ADAMTS20: variants seen among roughly 807,000 people sequenced by gnomAD.
ADAMTS20 encodes the protein ADAM metallopeptidase with thrombospondin type 1 motif 20.
Under a neutral mutation model 260.1 loss-of-function variants are expected in ADAMTS20, and 225 were observed. The ratio of observed to expected loss-of-function variants is 0.87; its 90% confidence interval spans 0.78 to 0.97. ADAMTS20 has a LOEUF of 0.97. ADAMTS20 is among the 50% of genes least tolerant of loss of function. The probability of loss-of-function intolerance (pLI) is 0.00; values close to 1 mark genes in which losing one functional copy is unlikely to be tolerated. For missense variants in ADAMTS20, 2,400 were observed against 2,337.7 expected (o/e 1.03, Z -0.55); for synonymous variants, 802 against 769.5 (o/e 1.04, Z -0.70).
intron 28 of ADAMTS20, chr12:43,423,195 C>G (rs1340762223): frequency 6.6e-6 from 1 of 152,230 alleles, no homozygotes; most frequent in Non-Finnish European, 1.5e-5. Context: ...TTGTGAGTTA[C>G]AGAGTTTCTA....
intron 7 of ADAMTS20, among the ~76,000 whole-genome samples, chr12:43,480,963 G>A (rs1942432207): frequency 6.6e-6 from 1 of 151,926 alleles, no homozygotes; most frequent in Non-Finnish European, 1.5e-5. Flanking sequence ...TGTTTCAGAT[G>A]TCTCACCAAA....
intron 28 of ADAMTS20, among the ~76,000 whole-genome samples, chr12:43,420,771 CTCT>C (rs76391484): frequency 0.11 from 15,935 of 142,012 alleles, 1,229 homozygotes; most frequent in Admixed American, 0.19. Context: ...CTTCTTCTTC[CTCT>C]TCTTCTTCTT....
At chr12:43,519,463 TA>T (rs952562344) in intron 3 of ADAMTS20, among the ~76,000 whole-genome samples, 2 of 151,026 alleles carry the variant, frequency 1.3e-5, no homozygotes, top group African/African-American at 4.9e-5. Context: ...AATGAACAAA[TA>T]AAAAAAAACC....
intron 31 of ADAMTS20, among the ~76,000 whole-genome samples, 193 bp downstream of exon 31, chr12:43,383,365 A>G (rs1940395249): frequency 2.0e-5 from 3 of 152,192 alleles, no homozygotes; most frequent in South Asian, 4.1e-4. Flanking sequence ...GACTTGCACT[A>G]GAGTTTAACA....
chr12:43,537,428 A>G (rs1275230060), intron 2 of ADAMTS20, among the ~76,000 whole-genome samples: 2 of 152,192 alleles, frequency 1.3e-5, no homozygotes, highest in Non-Finnish European at 2.9e-5. Flanking sequence ...ATATGGTGAT[A>G]CAGGCATACA....
chr12:43,543,178 G>A (rs1430256841), intron 2 of ADAMTS20, among the ~76,000 whole-genome samples: 1 of 152,116 alleles, frequency 6.6e-6, no homozygotes, highest in African/African-American at 2.4e-5. Flanking sequence ...CAGGTGTGGG[G>A]GGGTGTGCCT....
At chr12:43,434,863 C>A (rs923987) in intron 18 of ADAMTS20, among the ~76,000 whole-genome samples, 1 of 151,976 alleles carries the variant, frequency 6.6e-6, no homozygotes, top group Non-Finnish European at 1.5e-5. Context: ...TGAAAAGGAA[C>A]GTGACCTATT....
intron 11 of ADAMTS20, among the ~76,000 whole-genome samples, chr12:43,458,506 G>A (rs1565557523): frequency 2.6e-5 from 4 of 152,106 alleles, no homozygotes; most frequent in Non-Finnish European, 4.4e-5. Flanking sequence ...CCAGACTTAG[G>A]AGCTCAGCTG....
intron 37 of ADAMTS20, among the ~76,000 whole-genome samples, chr12:43,368,772 T>C (rs1814708644): frequency 6.6e-6 from 1 of 152,076 alleles, no homozygotes; most frequent in African/African-American, 2.4e-5. Context: ...GAAAACATGC[T>C]CTGTATTGGA....
rs549553975 is a variant in ADAMTS20, at chr12:43,362,488, A to T, written c.5539-5900T>A. ...CTCAAAGATTGAATGAGAACATAGG[A>T]TTCCTCTGCAAAGTTGCCTGCCTTT... On this transcript the variant is annotated intron_variant, in intron 37 of 38. Transcript: ENST00000389420. 9.2e-5 allele frequency among the ~76,000 whole-genome samples: 14 copies of T among 152,288 alleles called. No individual in the cohort carries two copies. The South Asian group carries it at 2.3e-3, about 25-fold the overall frequency.
Position 43,467,929 on chromosome 12 carries a change from C to T in ADAMTS20, c.1223+671G>A, listed in dbSNP as rs150745928. ...TTATTAGCAGATAACAAAGAAACAC[C>T]AGGAGTTCTGAGGGGTACATTTAGA... On this transcript the variant is annotated intron_variant, in intron 8 of 38. Transcript: ENST00000389420. Among the ~76,000 whole-genome samples the T allele has an allele frequency of 6.0e-3, 919 of 152,126 alleles. 9 individuals carry two copies. Among genetic ancestry groups the T allele is most frequent in the African/African-American group, 0.021 (879 of 41,528 alleles).
intron 37 of ADAMTS20, among the ~76,000 whole-genome samples, chr12:43,360,775 C>G (rs1477488387): frequency 6.6e-6 from 1 of 152,108 alleles, no homozygotes; most frequent in African/African-American, 2.4e-5. Flanking sequence ...AGGACATGAT[C>G]TAAACAATGT....
chr12:43,534,745 C>T (rs76183715), intron 2 of ADAMTS20, among the ~76,000 whole-genome samples: 2,274 of 152,252 alleles, frequency 0.015, 53 homozygotes, highest in African/African-American at 0.051. Flanking sequence ...AGAATGTATA[C>T]TTCACTACTA....
chr12:43,431,277 T>C lies in ADAMTS20; in HGVS notation c.3261+55A>G, dbSNP rs1941437153. On this transcript the variant is annotated intron_variant, in intron 22 of 38. Transcript: ENST00000389420. ...GGGAGGAGTAAATATAACACAACTT[T>C]TGTGCTATTCTGTAAAGATAGATCA... is the stretch of plus-strand genomic sequence containing the variant. 2.1e-5 allele frequency: 33 copies of C among 1,554,834 alleles called. No homozygotes were observed. In the South Asian group the frequency reaches 2.7e-4, roughly 13 times the overall value.
intron 29 of ADAMTS20, among the ~76,000 whole-genome samples, chr12:43,384,227 T>C (rs548020320): frequency 6.6e-6 from 1 of 152,344 alleles, no homozygotes; most frequent in Admixed American, 6.5e-5. Flanking sequence ...GTAGACAGCA[T>C]CTCAATCAAT....
intron 38 of ADAMTS20, 119 bp from the exon 39 acceptor site, chr12:43,354,417 T>C (rs1592020490): frequency 1.5e-6 from 1 of 679,964 alleles, no homozygotes. Flanking sequence ...AGGTTTCCTA[T>C]AACAATTGCA....
chr12:43,426,954 T>C (rs1334470032), intron 27 of ADAMTS20, among the ~76,000 whole-genome samples: 1 of 152,130 alleles, frequency 6.6e-6, no homozygotes, highest in Non-Finnish European at 1.5e-5. Flanking sequence ...GGAGAATCAC[T>C]TGAGGCCAGG....
Position 43,510,783 on chromosome 12 carries a change from A to G in ADAMTS20, c.614-8378T>C, listed in dbSNP as rs1008370602. On this transcript the variant is annotated intron_variant, in intron 3 of 38. Coordinates refer to ENST00000389420, the MANE Select transcript of ADAMTS20 (RefSeq NM_025003.5). ...AACATTGAATATCTCTTATAACAGC[A>G]TGGTGTATTCTAGAATGCAAGGAGG... Among the ~76,000 whole-genome samples, 9 of 152,258 alleles carry G rather than the reference A, an allele frequency of 5.9e-5. No homozygotes were observed. The South Asian group carries it at 1.5e-3, about 25-fold the overall frequency.
chr12:43,421,535 T>C (rs1201047520), intron 28 of ADAMTS20, among the ~76,000 whole-genome samples: 1 of 152,042 alleles, frequency 6.6e-6, no homozygotes, highest in African/African-American at 2.4e-5. Flanking sequence ...TTAAAGAGCA[T>C]TTGCTAGTTG....
Sources: allele counts gnomAD v4.1 joint callset (sites outside exome capture counted in the v4.1 genomes callset), GRCh38; gene constraint gnomAD v4.1.1; transcripts MANE v1.5; gene names NCBI Gene and HGNC (gene_info 2026-07-23, HGNC 2026-07-21).